The following CNTFR variants were observed in gnomAD, a reference collection of about 807,000 sequenced individuals.
CNTFR encodes ciliary neurotrophic factor receptor.
CNTFR carries 12 observed loss-of-function variants against 40.4 expected under a neutral mutation model. That is an observed-to-expected ratio of 0.30 (90% CI 0.19 to 0.48). CNTFR has a LOEUF of 0.48. Ranked by LOEUF, CNTFR falls within the 20% of genes least tolerant of loss-of-function variation. The pLI, the probability that CNTFR is intolerant of heterozygous loss-of-function variation, is 0.99. For missense variants in CNTFR, 414 were observed against 506.8 expected, an observed-to-expected ratio of 0.82 and a Z score of 1.76; for synonymous variants, 202 against 209.6, an observed-to-expected ratio of 0.96 and a Z score of 0.31.
At chr9:34,568,542 G>A (rs1317671886) in intron 3 of CNTFR, among the ~76,000 whole-genome samples, 2 of 152,004 alleles carry the variant, frequency 1.3e-5, no homozygotes, top group Non-Finnish European at 2.9e-5. Context: ...TCTCCAATCG[G>A]TGCCTCCAAC....
At chr9:34,588,280 C>T (rs1011024782) in intron 1 of CNTFR, among the ~76,000 whole-genome samples, 2 of 152,168 alleles carry the variant, frequency 1.3e-5, no homozygotes, top group Non-Finnish European at 2.9e-5. Flanking sequence ...AGCCCTACAT[C>T]CCTGGGAATC....
At chr9:34,561,028 C>T (rs1036823461) in intron 4 of CNTFR, among the ~76,000 whole-genome samples, 12 of 152,186 alleles carry the variant, frequency 7.9e-5, no homozygotes, top group Admixed American at 6.5e-4. Context: ...CCAGATCAGG[C>T]AGGGTGGGGC....
At chr9:34,563,542 T>C (rs1375614516) in intron 4 of CNTFR, among the ~76,000 whole-genome samples, 1 of 152,258 alleles carries the variant, frequency 6.6e-6, no homozygotes, top group Non-Finnish European at 1.5e-5. Flanking sequence ...TCCTTCACGG[T>C]ATTTCCTTCA....
At chr9:34,556,909 T>G (rs1825856866) in intron 6 of CNTFR, among the ~76,000 whole-genome samples, 1 of 152,136 alleles carries the variant, frequency 6.6e-6, no homozygotes, top group African/African-American at 2.4e-5. Context: ...GTTGCAGATC[T>G]GGAGGTAGGC....
In CNTFR at chr9:34,557,103, G is replaced by C. The variant is rs1239599881; in HGVS notation, c.604+423C>G. On this transcript the variant is annotated intron_variant, in intron 6 of 9. Coordinates refer to ENST00000378980, the MANE Select transcript of CNTFR (RefSeq NM_147164.3). This position sits in a 1 kb window ranked among gnomAD's most constrained non-coding sequence, Gnocchi z 4.2. ...AGGTAGAGGGTCTGGCTGGGATGGG[G>C]GGGGTCAGGGGGAGGGCAGTATCTG... Among the ~76,000 whole-genome samples, 1 of 151,658 alleles carries C rather than the reference G, an allele frequency of 6.6e-6. No homozygotes were observed. Among genetic ancestry groups the C allele is most frequent in the Non-Finnish European group, 1.5e-5 (1 of 67,898 alleles).
At chr9:34,558,095 G>T in intron 4 of CNTFR, 111 bp from the exon 5 acceptor site, 1 of 718,982 alleles carries the variant, frequency 1.4e-6, no homozygotes, top group Non-Finnish European at 2.1e-6. Flanking sequence ...ACCCATCATT[G>T]ATGCCAAAGT....
At chr9:34,568,758 A>G in intron 3 of CNTFR, 139 bp downstream of exon 3, 1 of 724,002 alleles carries the variant, frequency 1.4e-6, no homozygotes, top group Non-Finnish European at 2.4e-6. Flanking sequence ...GTGTCACATG[A>G]CTCCATGTCC....
chr9:34,566,192 A>G (rs4472605), intron 3 of CNTFR, among the ~76,000 whole-genome samples: 117,536 of 151,786 alleles, frequency 0.77, 46,569 homozygotes, highest in Non-Finnish European at 0.87. Flanking sequence ...TTTGCTCTGC[A>G]CTGGAACATC....
chr9:34,575,568 A>G (rs1826911471), intron 2 of CNTFR, among the ~76,000 whole-genome samples: 1 of 152,084 alleles, frequency 6.6e-6, no homozygotes, highest in Non-Finnish European at 1.5e-5. Context: ...TATTTGCCTC[A>G]GCATCTCCTA....
chr9:34,562,648 G>C (rs1826118574), intron 4 of CNTFR, among the ~76,000 whole-genome samples: 1 of 152,228 alleles, frequency 6.6e-6, no homozygotes, highest in Non-Finnish European at 1.5e-5. Context: ...ACGGAATAAG[G>C]AGACGACTTT....
chr9:34,556,164 C>T (rs1825827012), intron 7 of CNTFR, 91 bp downstream of exon 7: 2 of 1,400,084 alleles, frequency 1.4e-6, no homozygotes, highest in Non-Finnish European at 2.0e-6. Context: ...AGGTCTCACA[C>T]TGGAGCTGCT....
intron 7 of CNTFR, among the ~76,000 whole-genome samples, chr9:34,555,491 C>T (rs779531575): frequency 4.6e-5 from 7 of 152,108 alleles, no homozygotes; most frequent in Non-Finnish European, 7.4e-5. Flanking sequence ...GCCCTCAAAG[C>T]AAGAGAACCC....
chr9:34,566,106 C>A (rs1387024819), intron 3 of CNTFR, among the ~76,000 whole-genome samples: 2 of 152,116 alleles, frequency 1.3e-5, no homozygotes, highest in African/African-American at 4.8e-5. Flanking sequence ...ACCACCAAGA[C>A]TGCAGGGGTG....
chr9:34,578,465 C>T (rs1378782992), intron 2 of CNTFR, among the ~76,000 whole-genome samples: 1 of 152,212 alleles, frequency 6.6e-6, no homozygotes, highest in Admixed American at 6.5e-5. Context: ...CTCCTTTCCC[C>T]TCCCAAGGAG....
Position 34,562,127 on chromosome 9 carries a change from C to T in CNTFR, c.319+2472G>A, listed in dbSNP as rs61056761. Among the ~76,000 whole-genome samples, 746 of 152,342 alleles carry T rather than the reference C, an allele frequency of 4.9e-3. 6 individuals are homozygous for T. Among genetic ancestry groups the T allele is most frequent in the African/African-American group, 0.017 (715 of 41,566 alleles). On this transcript the variant is annotated intron_variant, in intron 4 of 9. Transcript: ENST00000378980. ...TCAAGGCCCAGCCATCACAGTCAGT[C>T]TTGTCCATCCTGAGGACTTCTGGGC...
chr9:34,555,771 C>A (rs1825807319), intron 7 of CNTFR, among the ~76,000 whole-genome samples: 1 of 152,090 alleles, frequency 6.6e-6, no homozygotes, highest in African/African-American at 2.4e-5. Flanking sequence ...AGGACAGGCA[C>A]GTTCCTGTCC....
chr9:34,564,756 C>T lies in CNTFR; in HGVS notation c.162G>A (p.Ala54=), dbSNP rs375914626. 5 of 1,614,000 alleles carry T rather than the reference C, an allele frequency of 3.1e-6. No homozygotes were observed. The African/African-American group carries it at 4.0e-5, about 13-fold the overall frequency. Residue 54 remains alanine, a synonymous_variant, in exon 4 of 10, where the codon GCG becomes GCA. Transcript: ENST00000378980. ...LPCGTANWDA[A]VTWRVNGTDL... The stretch of plus-strand genomic sequence containing the variant: ...CTGTCCCATTTACCCGCCACGTCAC[C>T]GCAGCATCCCAGTTTGCTGTCCCAC...
At position 34,589,594 on chromosome 9, in the gene CNTFR, G is replaced by T; in HGVS notation, c.-151C>A. ...ACCCGGGCTTCGCGCCGCGCCTTCC[G>T]ACCGCCCCCGGCAGCGAGCGAGGCA... On this transcript the variant is annotated 5_prime_UTR_variant, in exon 1 of 10. Transcript: ENST00000378980. The surrounding 1 kb of genome is among the most constrained non-coding windows in gnomAD (Gnocchi z 4.4). The T allele has an allele frequency of 6.6e-6, 1 of 151,688 alleles. No individual in the cohort carries two copies. The highest frequency in any genetic ancestry group is 1.8e-4 in the South Asian group (1 of 5,496). 9.4% of individuals were successfully genotyped at this position (151,688 alleles called of 1,614,324 possible).
chr9:34,565,368 C>T (rs936253017), intron 3 of CNTFR, among the ~76,000 whole-genome samples: 4 of 150,398 alleles, frequency 2.7e-5, no homozygotes, highest in African/African-American at 7.5e-5. Flanking sequence ...CCTGTCTCTA[C>T]CCCCCACCTC....
Sources: allele counts gnomAD v4.1 joint callset (sites outside exome capture counted in the v4.1 genomes callset), GRCh38; gene constraint gnomAD v4.1.1; non-coding constraint Gnocchi (gnomAD v3.1); transcripts MANE v1.5; gene names NCBI Gene and HGNC (gene_info 2026-07-23, HGNC 2026-07-21).